Variants in TGFBR3 observed in about 807,000 individuals in gnomAD.
The protein encoded by TGFBR3 is transforming growth factor beta receptor type 3.
Under a neutral mutation model 87.9 loss-of-function variants are expected in TGFBR3, and 46 were observed. The ratio of observed to expected loss-of-function variants is 0.52; its 90% CI spans 0.41 to 0.67. The LOEUF is 0.67. Among genes scored for constraint, TGFBR3 ranks in the 30% least tolerant of loss-of-function variants. The pLI is 0.00. For missense variants in TGFBR3, 866 were observed against 1,041.9 expected (o/e 0.83, Z 2.32); for synonymous variants, 381 against 391.6 (o/e 0.97, Z 0.32).
At chr1:91,762,440 A>G (rs1387744809) in intron 3 of TGFBR3, among the ~76,000 whole-genome samples, 10 of 152,180 alleles carry the variant, frequency 6.6e-5, no homozygotes, top group Admixed American at 6.5e-4. Flanking sequence ...TTAAACTACA[A>G]ATTACACCGC....
intron 1 of TGFBR3, among the ~76,000 whole-genome samples, chr1:91,879,561 T>C (rs1678993702): frequency 6.6e-6 from 1 of 152,190 alleles, no homozygotes; most frequent in Non-Finnish European, 1.5e-5. Flanking sequence ...TCTTCATCTT[T>C]GGCCTGAAAA....
At chr1:91,854,629 G>A (rs571998776) in intron 2 of TGFBR3, among the ~76,000 whole-genome samples, 1 of 152,294 alleles carries the variant, frequency 6.6e-6, no homozygotes, top group East Asian at 1.9e-4. Flanking sequence ...AATGATAAGT[G>A]TGTGAGGTTA....
chr1:91,680,975 G>A lies in TGFBR3; in HGVS notation c.*2764C>T, dbSNP rs757318985. On this transcript the variant is annotated 3_prime_UTR_variant, in exon 17 of 17. Transcript: ENST00000212355. ...ACACCACATGGTGAAAAGCTATAGC[G>A]TATTATACAGACAATCTGCCTTGGA... 52 of 454,084 alleles carry A rather than the reference G, an allele frequency of 1.1e-4. No homozygotes were observed. The highest frequency in any genetic ancestry group is 1.4e-4 in the South Asian group (9 of 64,476). 28.1% of individuals were successfully genotyped at this position (454,084 alleles called of 1,614,324 possible).
intron 2 of TGFBR3, among the ~76,000 whole-genome samples, chr1:91,834,032 A>C (rs1373793172): frequency 1.3e-5 from 2 of 152,242 alleles, no homozygotes; most frequent in Non-Finnish European, 2.9e-5. Flanking sequence ...AAATGTTTAA[A>C]GCCTCCAGAA....
At chr1:91,776,873 T>A (rs1674584948) in intron 3 of TGFBR3, among the ~76,000 whole-genome samples, 1 of 152,230 alleles carries the variant, frequency 6.6e-6, no homozygotes, top group Admixed American at 6.5e-5. Flanking sequence ...TAGTTGTTCC[T>A]GTTCAGGCAC....
At chr1:91,715,338 G>A (rs187448188) in intron 12 of TGFBR3, among the ~76,000 whole-genome samples, 4 of 152,274 alleles carry the variant, frequency 2.6e-5, no homozygotes, top group East Asian at 1.9e-4. Context: ...AGTGATAGTC[G>A]TATCCAGCGA....
chr1:91,705,207 A>C (rs1044517829), intron 14 of TGFBR3, among the ~76,000 whole-genome samples: 3 of 151,216 alleles, frequency 2.0e-5, no homozygotes, highest in African/African-American at 7.3e-5. Context: ...AATTAGGCAA[A>C]TGGTCACAGT....
chr1:91,758,366 G>A (rs1024404066), intron 4 of TGFBR3, among the ~76,000 whole-genome samples: 12 of 152,098 alleles, frequency 7.9e-5, no homozygotes, highest in South Asian at 6.2e-4. Context: ...ATGACGACAG[G>A]TCCTGCTCTA....
At chr1:91,860,023 A>G (rs1268953350) in intron 2 of TGFBR3, among the ~76,000 whole-genome samples, 1 of 152,130 alleles carries the variant, frequency 6.6e-6, no homozygotes, top group Admixed American at 6.6e-5. Flanking sequence ...ACAACCCCAG[A>G]TCTGAGTCTA....
At chr1:91,750,920 C>A (rs1673518334) in intron 4 of TGFBR3, among the ~76,000 whole-genome samples, 1 of 152,172 alleles carries the variant, frequency 6.6e-6, no homozygotes, top group Admixed American at 6.5e-5. Context: ...TCATCTTCTC[C>A]AATTTTCACT....
rs1356885468 is a variant in TGFBR3, at chr1:91,729,885, T to A, written c.657A>T (p.Glu219Asp). ...GGGGCTGGCTGGACATCACACACCCTTCTGCTGCTTTGGGTTGAAGGTACT... is the reference window on the plus strand; with the variant it reads ...GGGGCTGGCTGGACATCACACACCCATCTGCTGCTTTGGGTTGAAGGTACT... Reference protein sequence around the residue: ...LAEYLQPKAAEGCVMSSQPQN... With the variant: ...LAEYLQPKAADGCVMSSQPQN... Residue 219 changes from glutamate to aspartate, a missense_variant, in exon 6 of 17, where the codon GAA (glutamate) becomes GAT (aspartate). Glu to Asp is a conservative substitution (Grantham distance 45, BLOSUM62 2). Coordinates refer to ENST00000212355, the MANE Select transcript of TGFBR3 (RefSeq NM_003243.5). The A allele has an allele frequency of 6.2e-7, 1 of 1,614,192 alleles. No homozygotes were observed. Among genetic ancestry groups the A allele is most frequent in the Non-Finnish European group, 8.5e-7 (1 of 1,180,014 alleles).
chr1:91,826,604 G>C (rs1676648061), intron 2 of TGFBR3, among the ~76,000 whole-genome samples: 2 of 152,146 alleles, frequency 1.3e-5, no homozygotes. Context: ...GGAGCAAACC[G>C]ATGGCTCCTG....
At chr1:91,699,431 C>CTTT (rs60223260) in intron 14 of TGFBR3, among the ~76,000 whole-genome samples, 8,822 of 80,834 alleles carry the variant, frequency 0.11, 972 homozygotes, top group African/African-American at 0.21. Context: ...CTTTCTTTTG[C>CTTT]TTTTTTTTTT....
intron 2 of TGFBR3, among the ~76,000 whole-genome samples, chr1:91,842,963 A>G (rs1043406836): frequency 6.6e-6 from 1 of 152,156 alleles, no homozygotes; most frequent in Non-Finnish European, 1.5e-5. Context: ...CATCACTCCC[A>G]TTGTACCACT....
At chr1:91,718,015 T>C (rs1244360074) in intron 10 of TGFBR3, among the ~76,000 whole-genome samples, 2 of 152,238 alleles carry the variant, frequency 1.3e-5, no homozygotes, top group Non-Finnish European at 1.5e-5. Context: ...ACTGGATAAC[T>C]GAACGAAAAT....
chr1:91,681,211 A>G lies in TGFBR3; in HGVS notation c.*2528T>C. The G allele has an allele frequency of 2.2e-6, 1 of 451,638 alleles. No homozygotes were observed. Among genetic ancestry groups the G allele is most frequent in the Non-Finnish European group, 4.4e-6 (1 of 225,680 alleles). The allele number at this position is 451,638 out of a possible 1,614,324, so 28.0% of individuals were successfully genotyped here. On this transcript the variant is annotated 3_prime_UTR_variant, in exon 17 of 17. Transcript: ENST00000212355. ...ACTGTAAAGTGTGAAGCAATTAGAAATACTGTAATGAGAAGCTAGGGAGAA... is the reference window on the plus strand; with the variant it reads ...ACTGTAAAGTGTGAAGCAATTAGAAGTACTGTAATGAGAAGCTAGGGAGAA...
intron 2 of TGFBR3, among the ~76,000 whole-genome samples, chr1:91,854,672 C>T (rs2101159993): frequency 6.6e-6 from 1 of 152,262 alleles, no homozygotes; most frequent in East Asian, 1.9e-4. Context: ...TTACTCACCA[C>T]AATGTAGACA....
intron 1 of TGFBR3, among the ~76,000 whole-genome samples, chr1:91,876,246 CT>C (rs1172991813): frequency 5.9e-5 from 9 of 152,100 alleles, no homozygotes; most frequent in Admixed American, 5.2e-4. Flanking sequence ...TCAGGAAAGT[CT>C]TATTCAACAC....
At chr1:91,869,622 C>A (rs1473190287) in intron 1 of TGFBR3, among the ~76,000 whole-genome samples, 1 of 152,192 alleles carries the variant, frequency 6.6e-6, no homozygotes, top group Admixed American at 6.5e-5. Context: ...TGAGATCACG[C>A]CACTGCATTC....
Sources: allele counts gnomAD v4.1 joint callset (sites outside exome capture counted in the v4.1 genomes callset), GRCh38; gene constraint gnomAD v4.1.1; transcripts MANE v1.5; gene names NCBI Gene and HGNC (gene_info 2026-07-23, HGNC 2026-07-21).